The following ST8SIA1 variants were observed in gnomAD, a reference collection of about 807,000 sequenced individuals.
The protein encoded by ST8SIA1 is alpha-N-acetylneuraminide alpha-2,8-sialyltransferase.
Under a neutral mutation model 35.9 loss-of-function variants are expected in ST8SIA1, and 16 were observed. The ratio of observed to expected loss-of-function variants is 0.45; its 90% CI spans 0.30 to 0.68. The LOEUF (loss-of-function observed/expected upper bound fraction) is 0.68. Among genes scored for constraint, ST8SIA1 ranks in the 30% least tolerant of loss-of-function variants. The probability of loss-of-function intolerance (pLI) is 0.09; values close to 1 mark genes in which losing one functional copy is unlikely to be tolerated. For missense variants in ST8SIA1, 383 were observed against 453.6 expected, an observed-to-expected ratio of 0.84 and a Z score of 1.41; for synonymous variants, 170 against 169.6, an observed-to-expected ratio of 1.00 and a Z score of -0.02.
chr12:22,316,828 G>C (rs1324245748), intron 1 of ST8SIA1, among the ~76,000 whole-genome samples: 1 of 152,154 alleles, frequency 6.6e-6, no homozygotes, highest in Admixed American at 6.5e-5. Context: ...CGCAGGAAAA[G>C]AGAGCTGAGT....
At position 22,199,147 on chromosome 12, in the gene ST8SIA1, T is replaced by C. The variant is rs1198422631; in HGVS notation, c.*2405A>G. 7.5e-6 allele frequency: 1 copy of C among 133,986 alleles called. No individual in the cohort carries two copies. The highest frequency in any genetic ancestry group is 1.5e-5 in the Non-Finnish European group (1 of 64,856). 8.3% of individuals were successfully genotyped at this position (133,986 alleles called of 1,614,324 possible). On this transcript the variant is annotated 3_prime_UTR_variant, in exon 5 of 5. Coordinates refer to ENST00000396037, the MANE Select transcript of ST8SIA1 (RefSeq NM_003034.4). ...AAAAATTTCCACATAATATTTTCTT[T>C]CTTTTTCTTTTCTTTTTTTTTTTTT...
At chr12:22,286,630 A>C (rs1252424071) in intron 2 of ST8SIA1, 16 of 458,954 alleles carry the variant, frequency 3.5e-5, no homozygotes, top group Non-Finnish European at 6.4e-5. Context: ...TTAAGTAAGC[A>C]AAGCTTGATT....
intron 2 of ST8SIA1, chr12:22,286,620 TTAAG>T: frequency 2.1e-6 from 1 of 465,622 alleles, no homozygotes; most frequent in Non-Finnish European, 4.2e-6. Flanking sequence ...AGAATAAATA[TTAAG>T]TAAGCAAAGC....
chr12:22,235,318 T>C (rs1048133026), intron 4 of ST8SIA1, among the ~76,000 whole-genome samples: 1 of 152,220 alleles, frequency 6.6e-6, no homozygotes, highest in African/African-American at 2.4e-5. Flanking sequence ...ATACAATTAG[T>C]AATCATTGGG....
In ST8SIA1 at chr12:22,201,718, A is replaced by G; in HGVS notation, c.905T>C (p.Met302Thr). ...IYGFWPFSVNMHEQPISHHYY... is the reference protein window; with the variant it reads ...IYGFWPFSVNTHEQPISHHYY... ...GTGGTGGCTGATGGGCTGCTCATGCATATTCACAGAGAAGGGCCAGAAGCC... is the reference window on the plus strand; with the variant it reads ...GTGGTGGCTGATGGGCTGCTCATGCGTATTCACAGAGAAGGGCCAGAAGCC... The change falls in exon 5 of 5, where the codon ATG (methionine) becomes ACG (threonine). Residue 302 changes from methionine to threonine, a missense_variant. Met to Thr is a moderately conservative substitution (Grantham distance 81). Coordinates refer to ENST00000396037, the MANE Select transcript of ST8SIA1 (RefSeq NM_003034.4). The G allele has an allele frequency of 6.2e-7, 1 of 1,614,114 alleles. No individual in the cohort carries two copies. Among genetic ancestry groups the G allele is most frequent in the Non-Finnish European group, 8.5e-7 (1 of 1,179,974 alleles).
At chr12:22,278,542 G>A (rs1363899569) in intron 2 of ST8SIA1, among the ~76,000 whole-genome samples, 1 of 152,120 alleles carries the variant, frequency 6.6e-6, no homozygotes, top group Admixed American at 6.5e-5. Context: ...GACCCAAGAT[G>A]TATATAAAAT....
At chr12:22,220,549 CT>C (rs1555154413) in intron 4 of ST8SIA1, among the ~76,000 whole-genome samples, 1 of 152,288 alleles carries the variant, frequency 6.6e-6, no homozygotes, top group Non-Finnish European at 1.5e-5. Context: ...AAAAGTCTAA[CT>C]TTTTTCCCCC....
intron 4 of ST8SIA1, among the ~76,000 whole-genome samples, chr12:22,242,292 T>A (rs1490076267): frequency 2.6e-5 from 4 of 152,170 alleles, no homozygotes; most frequent in Non-Finnish European, 5.9e-5. Flanking sequence ...TTAAACCCAA[T>A]CATTATATTG....
At chr12:22,250,583 T>A (rs1286862185) in intron 3 of ST8SIA1, 1 of 152,224 alleles carries the variant, frequency 6.6e-6, no homozygotes, top group Non-Finnish European at 1.5e-5. Flanking sequence ...AACCAAAGCA[T>A]CATTTACTTG....
intron 4 of ST8SIA1, among the ~76,000 whole-genome samples, chr12:22,216,184 C>A (rs527784411): frequency 1.3e-5 from 2 of 152,238 alleles, no homozygotes; most frequent in African/African-American, 4.8e-5. Context: ...TTTAACAGAT[C>A]GGTCTCTAAC....
intron 4 of ST8SIA1, among the ~76,000 whole-genome samples, chr12:22,212,070 G>T (rs1865181555): frequency 6.6e-6 from 1 of 151,950 alleles, no homozygotes; most frequent in Non-Finnish European, 1.5e-5. Context: ...TTATTCTTTT[G>T]ATTTTTTTAA....
rs1866818233 is a variant in ST8SIA1, at chr12:22,334,353, C to G, written c.-121G>C. Reference sequence around the variant, plus strand: ...CACACACCTTTGGTTCTCTTACTTGCAAACGCACGCACGCTTCTTCGGCCC... The same window carrying G: ...CACACACCTTTGGTTCTCTTACTTGGAAACGCACGCACGCTTCTTCGGCCC... On this transcript the variant is annotated 5_prime_UTR_variant, in exon 1 of 5. Coordinates refer to ENST00000396037, the MANE Select transcript of ST8SIA1 (RefSeq NM_003034.4). 1.4e-6 allele frequency: 1 copy of G among 703,986 alleles called. No individual in the cohort carries two copies. Among genetic ancestry groups the G allele is most frequent in the South Asian group, 1.8e-5 (1 of 54,706 alleles). 43.6% of individuals were successfully genotyped at this position (703,986 alleles called of 1,614,324 possible). A position where few individuals can be genotyped will look rare whatever the true frequency, so the allele number is the denominator to read the frequency against.
intron 4 of ST8SIA1, among the ~76,000 whole-genome samples, chr12:22,237,649 C>T (rs1865490861): frequency 6.6e-6 from 1 of 151,486 alleles, no homozygotes; most frequent in African/African-American, 2.4e-5. Context: ...ATGGATATAT[C>T]ATAAGTTACA....
intron 4 of ST8SIA1, among the ~76,000 whole-genome samples, chr12:22,209,520 A>G (rs1865153885): frequency 1.3e-5 from 2 of 152,230 alleles, no homozygotes; most frequent in East Asian, 3.8e-4. Context: ...GAGAAACAGT[A>G]CACTTTTATG....
chr12:22,286,248 T>G (rs1050943498), intron 2 of ST8SIA1, among the ~76,000 whole-genome samples: 1 of 152,248 alleles, frequency 6.6e-6, no homozygotes, highest in African/African-American at 2.4e-5. Context: ...AAGGATGAGC[T>G]AGTCAGCATG....
intron 1 of ST8SIA1, among the ~76,000 whole-genome samples, chr12:22,330,385 C>T (rs1866746810): frequency 6.6e-6 from 1 of 152,164 alleles, no homozygotes; most frequent in African/African-American, 2.4e-5. Flanking sequence ...ACTTGTAAGA[C>T]ATTCTTACAA....
At chr12:22,279,782 C>G (rs1866012822) in intron 2 of ST8SIA1, among the ~76,000 whole-genome samples, 1 of 152,210 alleles carries the variant, frequency 6.6e-6, no homozygotes. Context: ...TATCCTATCC[C>G]TAGCCAACCC....
intron 4 of ST8SIA1, among the ~76,000 whole-genome samples, chr12:22,219,279 A>T (rs1865269859): frequency 6.6e-6 from 1 of 152,222 alleles, no homozygotes; most frequent in South Asian, 2.1e-4. Context: ...CTATAGTTAC[A>T]TAGACAGGAT....
At chr12:22,278,613 T>G (rs1332649432) in intron 2 of ST8SIA1, among the ~76,000 whole-genome samples, 1 of 152,178 alleles carries the variant, frequency 6.6e-6, no homozygotes, top group East Asian at 1.9e-4. Context: ...TGATACATAT[T>G]GTATATGGGG....
Sources: gnomAD v4.1 joint callset for allele counts (sites outside exome capture counted in the v4.1 genomes callset) on GRCh38, gnomAD v4.1.1 for gene constraint, MANE v1.5 for transcripts, NCBI Gene and HGNC (gene_info 2026-07-23, HGNC 2026-07-21) for gene names.